Variants in GABRB3 observed in about 807,000 individuals in gnomAD.
GABRB3 encodes gamma-aminobutyric acid type A receptor subunit beta3.
In GABRB3, 14 loss-of-function variants were observed where a neutral mutation model predicts 52.1. The observed-to-expected ratio is 0.27, with a 90% CI of 0.18 to 0.42. The LOEUF (loss-of-function observed/expected upper bound fraction) is 0.42. Among genes scored for constraint, GABRB3 ranks in the 10% least tolerant of loss-of-function variants. The pLI, the probability that GABRB3 is intolerant of heterozygous loss-of-function variation, is 1.00. For missense variants in GABRB3, 307 were observed against 609.1 expected (o/e 0.50, Z 5.22); for synonymous variants, 260 against 232.3 (o/e 1.12, Z -1.08).
intron 3 of GABRB3, among the ~76,000 whole-genome samples, chr15:26,758,522 T>C (rs1382425593): frequency 6.6e-6 from 1 of 152,184 alleles, no homozygotes; most frequent in African/African-American, 2.4e-5. Flanking sequence ...TCACTGCTTA[T>C]CTCCTAAGGA....
intron 6 of GABRB3, among the ~76,000 whole-genome samples, chr15:26,577,371 G>C (rs928589692): frequency 7.2e-5 from 11 of 152,120 alleles, no homozygotes; most frequent in African/African-American, 2.7e-4. Context: ...AATTTAGCCA[G>C]GCATGGTGGC....
intron 3 of GABRB3, among the ~76,000 whole-genome samples, chr15:26,685,012 A>T (rs907279710): frequency 6.6e-6 from 1 of 152,252 alleles, no homozygotes; most frequent in East Asian, 1.9e-4. Context: ...TAAAAAACAC[A>T]GTAACTAAAG....
intron 3 of GABRB3, among the ~76,000 whole-genome samples, chr15:26,669,790 C>T (rs1396194765): frequency 2.0e-5 from 3 of 152,198 alleles, no homozygotes; most frequent in African/African-American, 4.8e-5. Flanking sequence ...CTACAACCAC[C>T]ATCACCCACT....
intron 3 of GABRB3, among the ~76,000 whole-genome samples, chr15:26,689,762 C>T (rs898391927): frequency 6.6e-6 from 1 of 152,088 alleles, no homozygotes. Flanking sequence ...AAGGGAGAGG[C>T]CGCCTGGGGA....
At chr15:26,576,711 C>T (rs1324131379) in intron 6 of GABRB3, among the ~76,000 whole-genome samples, 4 of 152,198 alleles carry the variant, frequency 2.6e-5, no homozygotes, top group Non-Finnish European at 4.4e-5. Flanking sequence ...AGATGAGAAG[C>T]TAATTAGAAC....
intron 3 of GABRB3, among the ~76,000 whole-genome samples, chr15:26,667,401 G>A (rs908180642): frequency 6.6e-6 from 1 of 152,070 alleles, no homozygotes; most frequent in Non-Finnish European, 1.5e-5. Context: ...TGACTAATGC[G>A]GCCACCGGAT....
intron 3 of GABRB3, among the ~76,000 whole-genome samples, chr15:26,758,556 C>A (rs1890724789): frequency 6.6e-6 from 1 of 152,160 alleles, no homozygotes; most frequent in South Asian, 2.1e-4. Flanking sequence ...TTCAAGCAGG[C>A]AGCTGAGAAC....
intron 3 of GABRB3, among the ~76,000 whole-genome samples, chr15:26,709,051 C>T (rs1036422166): frequency 2.6e-5 from 4 of 152,020 alleles, no homozygotes; most frequent in Admixed American, 1.3e-4. Flanking sequence ...TTTTTACTTC[C>T]ATAAAGCAAC....
intron 3 of GABRB3, among the ~76,000 whole-genome samples, chr15:26,714,111 G>T (rs1353021322): frequency 6.6e-6 from 1 of 152,216 alleles, no homozygotes; most frequent in South Asian, 2.1e-4. Context: ...CGAGGAAGGT[G>T]TGCAGAATAT....
chr15:26,559,293 T>C (rs1889890219), intron 8 of GABRB3, among the ~76,000 whole-genome samples: 1 of 152,206 alleles, frequency 6.6e-6, no homozygotes, highest in South Asian at 2.1e-4. Flanking sequence ...ACTTTTGCCA[T>C]GTAAGTTGCC....
chr15:26,554,383 T>C (rs1211774473), intron 8 of GABRB3, among the ~76,000 whole-genome samples: 1 of 150,966 alleles, frequency 6.6e-6, no homozygotes, highest in Non-Finnish European at 1.5e-5. Context: ...AAAAAGCTCC[T>C]TTTATCAAAA....
chr15:26,656,824 G>A (rs1040460252), intron 3 of GABRB3, among the ~76,000 whole-genome samples: 1 of 152,176 alleles, frequency 6.6e-6, no homozygotes, highest in African/African-American at 2.4e-5. Flanking sequence ...AAAAGGTTGG[G>A]GACCCTGTCC....
chr15:26,596,300 T>C (rs774166426), intron 4 of GABRB3, among the ~76,000 whole-genome samples: 1 of 152,076 alleles, frequency 6.6e-6, no homozygotes, highest in Non-Finnish European at 1.5e-5. Flanking sequence ...AAAGGGAATA[T>C]AACAGAATGT....
At chr15:26,598,517 C>T (rs1456249704) in intron 4 of GABRB3, among the ~76,000 whole-genome samples, 3 of 152,042 alleles carry the variant, frequency 2.0e-5, no homozygotes, top group Non-Finnish European at 4.4e-5. Flanking sequence ...TCCATTTGGT[C>T]TGCAGAACTG....
chr15:26,672,659 T>C (rs1887935321), intron 3 of GABRB3, among the ~76,000 whole-genome samples: 1 of 151,760 alleles, frequency 6.6e-6, no homozygotes, highest in Non-Finnish European at 1.5e-5. Context: ...AGAAAAAAAT[T>C]TTTCTTCCCT....
intron 3 of GABRB3, among the ~76,000 whole-genome samples, chr15:26,771,424 C>T (rs1417384599): frequency 6.6e-6 from 1 of 152,132 alleles, no homozygotes; most frequent in Non-Finnish European, 1.5e-5. Flanking sequence ...GATCTAAAAC[C>T]ATGTCTCACT....
At chr15:26,694,776 T>C (rs1313968636) in intron 3 of GABRB3, among the ~76,000 whole-genome samples, 1 of 152,164 alleles carries the variant, frequency 6.6e-6, no homozygotes, top group East Asian at 1.9e-4. Flanking sequence ...AAAATAGCTA[T>C]GACTAATATG....
intron 4 of GABRB3, among the ~76,000 whole-genome samples, chr15:26,601,259 T>C (rs1277300723): frequency 3.3e-5 from 5 of 151,912 alleles, no homozygotes; most frequent in African/African-American, 1.2e-4. Flanking sequence ...CGGTCCCCAC[T>C]AAAAATACAA....
intron 4 of GABRB3, among the ~76,000 whole-genome samples, chr15:26,592,901 G>A (rs1476108591): frequency 1.3e-5 from 2 of 152,146 alleles, no homozygotes; most frequent in South Asian, 4.1e-4. Flanking sequence ...TTTAGTCCCA[G>A]CTACTTGGGA....
Sources: allele counts gnomAD v4.1 joint callset (sites outside exome capture counted in the v4.1 genomes callset), GRCh38; gene constraint gnomAD v4.1.1; transcripts MANE v1.5; gene names NCBI Gene and HGNC (gene_info 2026-07-23, HGNC 2026-07-21).